LRRC4C: variants seen among roughly 807,000 people sequenced by gnomAD.
The protein encoded by LRRC4C is leucine-rich repeat-containing protein 4C.
In LRRC4C, 5 loss-of-function variants were observed where a neutral mutation model predicts 33.6. The observed-to-expected ratio is 0.15, with a 90% CI of 0.08 to 0.31. LRRC4C has a LOEUF of 0.31. Ranked by LOEUF, LRRC4C falls within the 10% of genes least tolerant of loss-of-function variation. The pLI, the probability that LRRC4C is intolerant of heterozygous loss-of-function variation, is 1.00. For missense variants in LRRC4C, 560 were observed against 796.7 expected, an observed-to-expected ratio of 0.70 and a Z score of 3.58; for synonymous variants, 329 against 302.0, an observed-to-expected ratio of 1.09 and a Z score of -0.93.
intron 3 of LRRC4C, among the ~76,000 whole-genome samples, chr11:40,322,124 A>G (rs1469315227): frequency 6.6e-6 from 1 of 152,232 alleles, no homozygotes; most frequent in Non-Finnish European, 1.5e-5. Context: ...GGTGAAGGGA[A>G]TAAGATACAA....
At chr11:40,896,604 A>G (rs1464655897) in intron 2 of LRRC4C, among the ~76,000 whole-genome samples, 1 of 152,016 alleles carries the variant, frequency 6.6e-6, no homozygotes, top group African/African-American at 2.4e-5. Flanking sequence ...CTGGGACTCT[A>G]AATTATGGTA....
At chr11:40,831,508 G>T (rs952672117) in intron 2 of LRRC4C, among the ~76,000 whole-genome samples, 2 of 151,996 alleles carry the variant, frequency 1.3e-5, no homozygotes, top group Admixed American at 1.3e-4. Context: ...TTTACAATTT[G>T]AAATTTATTC....
chr11:40,747,621 C>A (rs982864925), intron 2 of LRRC4C, among the ~76,000 whole-genome samples: 2 of 151,666 alleles, frequency 1.3e-5, no homozygotes, highest in African/African-American at 4.8e-5. Flanking sequence ...TCTAAAAAAG[C>A]TAGTGAGATA....
At chr11:41,188,590 G>C (rs958995373) in intron 1 of LRRC4C, among the ~76,000 whole-genome samples, 18 of 151,782 alleles carry the variant, frequency 1.2e-4, no homozygotes, top group Non-Finnish European at 2.2e-4. Flanking sequence ...GTGAAGATCA[G>C]GTGAGCTGAT....
At chr11:41,369,501 C>T (rs758872504) in intron 1 of LRRC4C, among the ~76,000 whole-genome samples, 6 of 151,414 alleles carry the variant, frequency 4.0e-5, no homozygotes, top group Non-Finnish European at 8.8e-5. Context: ...CACAAGTTTA[C>T]CTACATAACA....
At chr11:40,821,074 T>C (rs1951909419) in intron 2 of LRRC4C, among the ~76,000 whole-genome samples, 1 of 151,544 alleles carries the variant, frequency 6.6e-6, no homozygotes, top group Non-Finnish European at 1.5e-5. Context: ...TAAAAGAAAA[T>C]ATACTAGTAA....
chr11:40,480,651 T>G (rs1308261067), intron 3 of LRRC4C, among the ~76,000 whole-genome samples: 4 of 152,080 alleles, frequency 2.6e-5, no homozygotes, highest in Admixed American at 6.6e-5. Flanking sequence ...ATATAGTGTA[T>G]GTATAGACAC....
intron 1 of LRRC4C, among the ~76,000 whole-genome samples, chr11:41,042,568 C>T (rs944802547): frequency 1.3e-5 from 2 of 152,120 alleles, no homozygotes; most frequent in Non-Finnish European, 2.9e-5. Flanking sequence ...CCCTCCACCT[C>T]CCTAAAGCTC....
At chr11:40,423,132 T>G (rs952465698) in intron 3 of LRRC4C, among the ~76,000 whole-genome samples, 1 of 152,086 alleles carries the variant, frequency 6.6e-6, no homozygotes, top group Non-Finnish European at 1.5e-5. Context: ...TCAAGTCTAT[T>G]ATGATGTGAG....
chr11:40,537,159 A>G (rs781652303), intron 3 of LRRC4C, among the ~76,000 whole-genome samples: 1 of 152,184 alleles, frequency 6.6e-6, no homozygotes, highest in Non-Finnish European at 1.5e-5. Flanking sequence ...AAATTTTCAA[A>G]ACAGCAACCT....
intron 2 of LRRC4C, among the ~76,000 whole-genome samples, chr11:40,745,207 C>T (rs1948358511): frequency 6.6e-6 from 1 of 152,120 alleles, no homozygotes; most frequent in Non-Finnish European, 1.5e-5. Context: ...TCTTTTTCAG[C>T]CTACACTTCC....
chr11:40,160,673 G>T (rs761308528), intron 5 of LRRC4C, among the ~76,000 whole-genome samples: 15 of 152,156 alleles, frequency 9.9e-5, no homozygotes, highest in South Asian at 4.1e-4. Context: ...CGAAAGGGCA[G>T]GGGTGGGTCA....
intron 3 of LRRC4C, among the ~76,000 whole-genome samples, chr11:40,456,435 A>G (rs1952134764): frequency 6.6e-6 from 1 of 152,016 alleles, no homozygotes; most frequent in African/African-American, 2.4e-5. Context: ...GAAATCTCCC[A>G]GAATACAGAG....
chr11:40,854,972 T>C (rs1237093791), intron 2 of LRRC4C, among the ~76,000 whole-genome samples: 1 of 152,098 alleles, frequency 6.6e-6, no homozygotes, highest in Non-Finnish European at 1.5e-5. Context: ...AGAAAAAGAT[T>C]TTTCCCCATT....
At chr11:41,339,987 G>T (rs994971431) in intron 1 of LRRC4C, among the ~76,000 whole-genome samples, 4 of 152,116 alleles carry the variant, frequency 2.6e-5, no homozygotes, top group African/African-American at 9.7e-5. Flanking sequence ...TATGTGAAGG[G>T]CTCCAGAACT....
chr11:40,855,155 T>G (rs908206337), intron 2 of LRRC4C, among the ~76,000 whole-genome samples: 7 of 152,200 alleles, frequency 4.6e-5, no homozygotes, highest in African/African-American at 1.7e-4. Context: ...TGAAAGGAGA[T>G]ACTTCTTTTC....
At chr11:41,131,765 T>G (rs1199499201) in intron 1 of LRRC4C, among the ~76,000 whole-genome samples, 17 of 152,100 alleles carry the variant, frequency 1.1e-4, no homozygotes, top group Admixed American at 1.1e-3. Context: ...AAGACCAAGA[T>G]GGCAATAAAA....
intron 4 of LRRC4C, among the ~76,000 whole-genome samples, chr11:40,265,988 A>G (rs545746138): frequency 1.3e-4 from 20 of 152,292 alleles, no homozygotes; most frequent in African/African-American, 4.1e-4. Context: ...ACATTTTCCA[A>G]TGTGACTTTG....
intron 2 of LRRC4C, among the ~76,000 whole-genome samples, chr11:40,807,220 T>A (rs1382044193): frequency 6.6e-6 from 1 of 152,192 alleles, no homozygotes; most frequent in African/African-American, 2.4e-5. Flanking sequence ...ATTTCATAGT[T>A]GGTCAGAGAT....
Sources: gnomAD v4.1 joint callset for allele counts (sites outside exome capture counted in the v4.1 genomes callset) on GRCh38, gnomAD v4.1.1 for gene constraint, MANE v1.5 for transcripts, NCBI Gene and HGNC (gene_info 2026-07-23, HGNC 2026-07-21) for gene names.